PAPOLA: variants seen among roughly 807,000 people sequenced by gnomAD.
PAPOLA encodes polynucleotide adenylyltransferase alpha.
Under a neutral mutation model 100.6 loss-of-function variants are expected in PAPOLA, and 15 were observed. The observed-to-expected ratio is 0.15, with a 90% CI of 0.10 to 0.23. The LOEUF is 0.23. PAPOLA is among the 10% of genes least tolerant of loss of function. PAPOLA has a pLI of 1.00. For synonymous variants in PAPOLA, 293 were observed against 300.0 expected, an observed-to-expected ratio of 0.98 and a Z score of 0.24; for missense variants, 533 against 884.2, an observed-to-expected ratio of 0.60 and a Z score of 5.04.
chr14:96,514,047 C>A (rs527955394), intron 1 of PAPOLA, among the ~76,000 whole-genome samples: 5 of 152,270 alleles, frequency 3.3e-5, no homozygotes, highest in Non-Finnish European at 5.9e-5. Flanking sequence ...TTGAGTATTT[C>A]ATAGTTGTCT....
At chr14:96,504,337 G>C (rs1896558828) in intron 1 of PAPOLA, 1 of 152,210 alleles carries the variant, frequency 6.6e-6, no homozygotes, top group Non-Finnish European at 1.5e-5. Flanking sequence ...ATTCTTTGAA[G>C]AGGGAAGGTA....
chr14:96,511,614 T>G (rs1897115883), intron 1 of PAPOLA, among the ~76,000 whole-genome samples: 1 of 152,222 alleles, frequency 6.6e-6, no homozygotes, highest in Non-Finnish European at 1.5e-5. Context: ...TTGCACTTGT[T>G]GTTTAAGGAT....
intron 16 of PAPOLA, among the ~76,000 whole-genome samples, chr14:96,548,849 A>G (rs1900603461): frequency 6.6e-6 from 1 of 152,206 alleles, no homozygotes; most frequent in African/African-American, 2.4e-5. Flanking sequence ...CTTTAATTTT[A>G]TAATATTTTG....
chr14:96,564,909 A>G (rs769507003), intron 21 of PAPOLA, 46 bp from the exon 22 acceptor site: 2 of 980,174 alleles, frequency 2.0e-6, no homozygotes, highest in East Asian at 4.8e-5. Context: ...TCATTGTTAA[A>G]TTATGGTGCT....
intron 6 of PAPOLA, among the ~76,000 whole-genome samples, chr14:96,530,067 A>T (rs1031334312): frequency 1.3e-5 from 2 of 152,200 alleles, no homozygotes; most frequent in Non-Finnish European, 2.9e-5. Flanking sequence ...AAATGTAAGG[A>T]TGTTTGCCTT....
At position 96,556,334 on chromosome 14, in the gene PAPOLA, T is replaced by C; in HGVS notation, c.1925T>C (p.Ile642Thr). 1.2e-6 allele frequency: 2 copies of C among 1,613,752 alleles called. No individual in the cohort carries two copies. The highest frequency in any genetic ancestry group is 2.7e-5 in the African/African-American group (2 of 74,894). ...ACTTCAGGAAATGCAGCAACAAAAATACCTACTCCTATAGTAGGAGTCAAG... is the reference window on the plus strand; with the variant it reads ...ACTTCAGGAAATGCAGCAACAAAAACACCTACTCCTATAGTAGGAGTCAAG... ...AATSGNAATK[I>T]PTPIVGVKRT... Residue 642 changes from isoleucine (I) to threonine (T), a missense_variant, in exon 19 of 22, where the codon ATA becomes ACA. Ile to Thr is a moderately conservative substitution (Grantham distance 89, BLOSUM62 -1). Transcript: ENST00000216277.
intron 19 of PAPOLA, 44 bp downstream of exon 19, chr14:96,556,457 C>A: frequency 8.1e-7 from 1 of 1,228,738 alleles, no homozygotes; most frequent in Non-Finnish European, 1.2e-6. Flanking sequence ...GCAACACCAA[C>A]TGCCTATTTT....
At chr14:96,556,931 TAAAG>T (rs1223645668) in intron 19 of PAPOLA, among the ~76,000 whole-genome samples, 1 of 152,234 alleles carries the variant, frequency 6.6e-6, no homozygotes, top group East Asian at 1.9e-4. Flanking sequence ...CTCTAACCCT[TAAAG>T]AAACTTTCTA....
rs905452428 is a variant in PAPOLA, at chr14:96,503,983, T to C, written c.8+1383T>C. On this transcript the variant is annotated intron_variant, in intron 1 of 21. Transcript: ENST00000216277. The stretch of plus-strand genomic sequence containing the variant: ...TCTGTGATGAAAACGTTTGTTAGAC[T>C]TAACTAACTATACAGGTCTAAAATC... Among the ~76,000 whole-genome samples, 26 of 152,210 alleles carry C rather than the reference T, an allele frequency of 1.7e-4. 1 individual carries two copies. The highest frequency in any genetic ancestry group is 1.4e-3 in the Admixed American group (21 of 15,284).
At chr14:96,543,109 A>G (rs550949600) in intron 14 of PAPOLA, among the ~76,000 whole-genome samples, 1 of 152,122 alleles carries the variant, frequency 6.6e-6, no homozygotes, top group South Asian at 2.1e-4. Flanking sequence ...TTCTGATAAT[A>G]TTCTTCCAAT....
intron 1 of PAPOLA, among the ~76,000 whole-genome samples, chr14:96,512,402 A>C (rs1031989123): frequency 6.6e-6 from 1 of 152,194 alleles, no homozygotes; most frequent in African/African-American, 2.4e-5. Context: ...ATCTTTATCT[A>C]TATGACTACA....
Position 96,532,000 on chromosome 14 carries a change from G to A in PAPOLA, c.608-331G>A. ...ACTGTGCTCTTGAAGAGCAGTTCTT[G>A]GAAACTTTAGTGGATTAAGTCTTCC... On this transcript the variant is annotated intron_variant, in intron 7 of 21. Coordinates refer to ENST00000216277, the MANE Select transcript of PAPOLA (RefSeq NM_032632.5). 3.2e-6 allele frequency: 4 copies of A among 1,235,274 alleles called. No homozygotes were observed. The South Asian group carries it at 7.3e-5, about 23-fold the overall frequency. 76.5% of individuals were successfully genotyped at this position (1,235,274 alleles called of 1,614,324 possible). A position where few individuals can be genotyped will look rare whatever the true frequency, so the allele number is the denominator to read the frequency against.
chr14:96,522,777 G>A (rs1263710393), intron 3 of PAPOLA, among the ~76,000 whole-genome samples: 1 of 152,062 alleles, frequency 6.6e-6, no homozygotes, highest in Non-Finnish European at 1.5e-5. Context: ...GCTTCTTCTG[G>A]TAGAGAAAAT....
At chr14:96,517,698 CTTTT>C (rs774296764) in intron 1 of PAPOLA, among the ~76,000 whole-genome samples, 2 of 121,866 alleles carry the variant, frequency 1.6e-5, no homozygotes, top group African/African-American at 6.2e-5. Context: ...TCAGCAAATG[CTTTT>C]TTTTTTTTTT....
chr14:96,518,331 A>G (rs1450864767), intron 1 of PAPOLA, among the ~76,000 whole-genome samples: 1 of 152,242 alleles, frequency 6.6e-6, no homozygotes. Flanking sequence ...AGTATAGACC[A>G]GAACCCAGTG....
At chr14:96,532,206 T>C in intron 7 of PAPOLA, 125 bp from the exon 8 acceptor site, 4 of 1,412,218 alleles carry the variant, frequency 2.8e-6, no homozygotes, top group Non-Finnish European at 3.7e-6. Context: ...TACTTTTAAC[T>C]TCAATCTCAG....
At chr14:96,547,597 C>CT (rs1900490937) in intron 15 of PAPOLA, 200 bp from the exon 16 acceptor site, 1 of 434,638 alleles carries the variant, frequency 2.3e-6, no homozygotes, top group Non-Finnish European at 4.1e-6. Flanking sequence ...ACATTTTGTG[C>CT]TTTTATTCAG....
At chr14:96,559,550 C>CAT (rs1901638071) in intron 19 of PAPOLA, among the ~76,000 whole-genome samples, 1 of 118,482 alleles carries the variant, frequency 8.4e-6, no homozygotes, top group South Asian at 3.1e-4. Context: ...GCTAAATTAA[C>CAT]CTCTCTCTCT....
chr14:96,536,194 A>G (rs772824312), intron 11 of PAPOLA, among the ~76,000 whole-genome samples, 195 bp downstream of exon 11: 16 of 152,142 alleles, frequency 1.1e-4, no homozygotes, highest in South Asian at 6.2e-4. Context: ...GTTTTTTATA[A>G]CAAGTTGGAA....
Sources: gnomAD v4.1 joint callset for allele counts (sites outside exome capture counted in the v4.1 genomes callset) on GRCh38, gnomAD v4.1.1 for gene constraint, MANE v1.5 for transcripts, NCBI Gene and HGNC (gene_info 2026-07-23, HGNC 2026-07-21) for gene names.